DRAXIN: variants seen among roughly 807,000 people sequenced by gnomAD.
The protein encoded by DRAXIN is dorsal inhibitory axon guidance protein.
In DRAXIN, 27 loss-of-function variants were observed where a neutral mutation model predicts 33.9. The observed-to-expected ratio is 0.80, with a 90% CI of 0.59 to 1.10. The LOEUF is 1.10. Among genes scored for constraint, DRAXIN ranks in the 50% least tolerant of loss-of-function variants. DRAXIN has a pLI of 0.00. For synonymous variants in DRAXIN, 178 were observed against 194.0 expected (o/e 0.92, Z 0.69); for missense variants, 371 against 460.8 (o/e 0.81, Z 1.78).
chr1:11,719,258 A>C (rs753408954), intron 6 of DRAXIN, among the ~76,000 whole-genome samples: 5 of 152,186 alleles, frequency 3.3e-5, no homozygotes, highest in Non-Finnish European at 5.9e-5. Context: ...ATTATTACTA[A>C]CTGAAGTCAA....
chr1:11,710,125 T>C (rs1641458171), intron 3 of DRAXIN, among the ~76,000 whole-genome samples: 1 of 146,104 alleles, frequency 6.8e-6, no homozygotes, highest in East Asian at 2.0e-4. Flanking sequence ...GCGGAGGCTG[T>C]AGCGTGTCAA....
chr1:11,693,659 T>TC (rs1158144132), intron 1 of DRAXIN, among the ~76,000 whole-genome samples: 1 of 152,118 alleles, frequency 6.6e-6, no homozygotes, highest in East Asian at 1.9e-4. Flanking sequence ...AGGCTCCTGC[T>TC]CGAAATCCGA....
intron 4 of DRAXIN, 87 bp downstream of exon 4, chr1:11,712,052 G>T (rs1348491594): frequency 1.2e-5 from 15 of 1,287,716 alleles, no homozygotes; most frequent in Admixed American, 7.9e-5. Flanking sequence ...AGTGAGCCCT[G>T]TCTGATCTTC....
chr1:11,719,807 C>A lies in DRAXIN; in HGVS notation c.*111C>A. On this transcript the variant is annotated 3_prime_UTR_variant, in exon 7 of 7. Transcript: ENST00000294485. ...GGGAACAGATGGCTGAGGCTGCAGA[C>A]TCAGGCCCAGGACACTCAACCCCAG... 2.9e-6 allele frequency: 3 copies of A among 1,026,936 alleles called. No individual in the cohort carries two copies. Among genetic ancestry groups the A allele is most frequent in the Non-Finnish European group, 4.4e-6 (3 of 681,472 alleles). 63.6% of individuals were successfully genotyped at this position (1,026,936 alleles called of 1,614,324 possible).
rs1011882685 is a variant in DRAXIN, at chr1:11,719,452, C to T, written c.938-132C>T. 9 of 732,094 alleles carry T rather than the reference C, an allele frequency of 1.2e-5. No individual in the cohort carries two copies. In the East Asian group the frequency reaches 2.2e-4, roughly 18 times the overall value. The allele number at this position is 732,094 out of a possible 1,614,324, so 45.3% of individuals were successfully genotyped here. On this transcript the variant is annotated intron_variant, in intron 6 of 6. Coordinates refer to ENST00000294485, the MANE Select transcript of DRAXIN (RefSeq NM_198545.4). ...TGTCTTTTAAGCTCATTGGGGCTGC[C>T]GTGAGGAAGCTGGGTTGTAGGGCAG...
chr1:11,708,394 T>C (rs1641424137), intron 2 of DRAXIN, among the ~76,000 whole-genome samples: 1 of 151,976 alleles, frequency 6.6e-6, no homozygotes, highest in Admixed American at 6.6e-5. Context: ...GCAGATCACT[T>C]GAGATCAGGA....
At chr1:11,712,219 C>A in intron 4 of DRAXIN, 121 bp from the exon 5 acceptor site, 2 of 1,173,416 alleles carry the variant, frequency 1.7e-6, no homozygotes, top group Non-Finnish European at 2.5e-6. Context: ...TTAGGTCCAA[C>A]AGTGCCTTGT....
intron 1 of DRAXIN, among the ~76,000 whole-genome samples, chr1:11,693,187 A>C (rs1045791072): frequency 1.3e-5 from 2 of 151,756 alleles, no homozygotes; most frequent in African/African-American, 4.8e-5. Context: ...AAATCAGCTA[A>C]AACAATCAGG....
intron 1 of DRAXIN, among the ~76,000 whole-genome samples, chr1:11,701,447 A>G (rs1359158634): frequency 9.2e-5 from 14 of 152,238 alleles, no homozygotes. Flanking sequence ...TGAGATGTGA[A>G]TGAAAGAAAG....
rs201835494 is a variant in DRAXIN at position 11,712,903 on chromosome 1, CA to C, written c.847+486del. ...GGGCGACAAGAGGGAAACTCCATCT[CA>C]AAAAAAAAAAATACCCTGGGCATGG... On this transcript the variant is annotated intron_variant, in intron 5 of 6. Transcript: ENST00000294485. 9.1e-3 allele frequency among the ~76,000 whole-genome samples: 1,124 copies of C among 123,274 alleles called. 18 individuals carry two copies. The highest frequency in any genetic ancestry group is 0.051 in the Admixed American group (608 of 12,034). 80.9% of individuals were successfully genotyped at this position (123,274 alleles called of 152,430 possible). A position where few individuals can be genotyped will look rare whatever the true frequency, so the allele number is the denominator to read the frequency against.
At chr1:11,714,278 A>T (rs1641540920) in intron 5 of DRAXIN, among the ~76,000 whole-genome samples, 1 of 152,212 alleles carries the variant, frequency 6.6e-6, no homozygotes, top group African/African-American at 2.4e-5. Flanking sequence ...GTGAATGACG[A>T]AAGGTGGAGG....
In DRAXIN at chr1:11,723,496, T is replaced by C. The variant is rs1641685420; in HGVS notation, c.*3800T>C. 6.6e-6 allele frequency: 1 copy of C among 151,700 alleles called. No homozygotes were observed. The highest frequency in any genetic ancestry group is 6.6e-5 in the Admixed American group (1 of 15,258). The allele number at this position is 151,700 out of a possible 1,614,324, so 9.4% of individuals were successfully genotyped here. A position where few individuals can be genotyped will look rare whatever the true frequency, so the allele number is the denominator to read the frequency against. ...CAGCTTTGGCAACCTTAGGAAAGTTTCTTAAGGTCTCTGTGCCTTGATTTT... is the reference window on the plus strand; with the variant it reads ...CAGCTTTGGCAACCTTAGGAAAGTTCCTTAAGGTCTCTGTGCCTTGATTTT... On this transcript the variant is annotated 3_prime_UTR_variant, in exon 7 of 7. Transcript: ENST00000294485.
At position 11,692,813 on chromosome 1, in the gene DRAXIN, G is replaced by A. The variant is rs1045908372; in HGVS notation, c.-11+960G>A. ...ACACTGGGGCTCTGGGAGTGATCTC[G>A]GACAAAGGAATGCACCTCTCTGAGC... is the stretch of plus-strand genomic sequence containing the variant. On this transcript the variant is annotated intron_variant, in intron 1 of 6. Coordinates refer to ENST00000294485, the MANE Select transcript of DRAXIN (RefSeq NM_198545.4). The surrounding 1 kb of genome is among the most constrained non-coding windows in gnomAD (Gnocchi z 5.8). Among the ~76,000 whole-genome samples the A allele has an allele frequency of 1.3e-5, 2 of 152,066 alleles. No individual in the cohort carries two copies. Among genetic ancestry groups the A allele is most frequent in the Non-Finnish European group, 2.9e-5 (2 of 68,014 alleles).
rs565274604 is a variant in DRAXIN, at chr1:11,713,768, C to T, written c.847+1339C>T. On this transcript the variant is annotated intron_variant, in intron 5 of 6. Transcript: ENST00000294485. ...AAAAATAACCAGGCTTGGCTGGGTGCGGTGGCTCACGCCTATAATCCCAGC... is the reference window on the plus strand; with the variant it reads ...AAAAATAACCAGGCTTGGCTGGGTGTGGTGGCTCACGCCTATAATCCCAGC... 3.3e-5 allele frequency among the ~76,000 whole-genome samples: 5 copies of T among 152,218 alleles called. No individual in the cohort carries two copies. In the South Asian group the frequency reaches 8.3e-4, roughly 25 times the overall value.
At position 11,723,345 on chromosome 1, in the gene DRAXIN, G is replaced by A. The variant is rs933833816; in HGVS notation, c.*3649G>A. On this transcript the variant is annotated 3_prime_UTR_variant, in exon 7 of 7. Transcript: ENST00000294485. ...GGCCCACCCACAAAGCTTCTGTTTT[G>A]TTTGGTCTGGGCTTCATAGTTTTTC... 2.5e-4 allele frequency: 38 copies of A among 152,268 alleles called. No homozygotes were observed. Among genetic ancestry groups the A allele is most frequent in the African/African-American group, 8.9e-4 (37 of 41,558 alleles). The allele number at this position is 152,268 out of a possible 1,614,324, so 9.4% of individuals were successfully genotyped here. A position where few individuals can be genotyped will look rare whatever the true frequency, so the allele number is the denominator to read the frequency against.
In DRAXIN at chr1:11,704,258, C is replaced by T. The variant is rs113544961; in HGVS notation, c.-10-1991C>T. On this transcript the variant is annotated intron_variant, in intron 1 of 6. Coordinates refer to ENST00000294485, the MANE Select transcript of DRAXIN (RefSeq NM_198545.4). The surrounding 1 kb of genome is among the most constrained non-coding windows in gnomAD (Gnocchi z 4.6). Reference sequence around the variant, plus strand: ...CCCAGGCTGTCATGTCCCTGCAGGACAGAAAGGCAGGGCTGGGTCTCGGAC... The same window carrying T: ...CCCAGGCTGTCATGTCCCTGCAGGATAGAAAGGCAGGGCTGGGTCTCGGAC... Among the ~76,000 whole-genome samples the T allele has an allele frequency of 6.6e-6, 1 of 152,332 alleles. No individual in the cohort carries two copies. Among genetic ancestry groups the T allele is most frequent in the Admixed American group, 6.5e-5 (1 of 15,300 alleles).
chr1:11,702,619 TAC>T (rs33944685), intron 1 of DRAXIN, among the ~76,000 whole-genome samples: 34,212 of 150,406 alleles, frequency 0.23, 4,067 homozygotes, highest in East Asian at 0.37. Flanking sequence ...ATGATCATAG[TAC>T]ACACACACAC....
At position 11,719,990 on chromosome 1, in the gene DRAXIN, T is replaced by A; in HGVS notation, c.*294T>A. ...GCCCTCTACTGTCCGACTCCAGCACTGCAACAGCTTCAAGTTCAAAACCAA... is the reference window on the plus strand; with the variant it reads ...GCCCTCTACTGTCCGACTCCAGCACAGCAACAGCTTCAAGTTCAAAACCAA... On this transcript the variant is annotated 3_prime_UTR_variant, in exon 7 of 7. Transcript: ENST00000294485. 1 of 364,182 alleles carries A rather than the reference T, an allele frequency of 2.7e-6. No individual in the cohort carries two copies. 22.6% of individuals were successfully genotyped at this position (364,182 alleles called of 1,614,324 possible).
In DRAXIN at chr1:11,692,302, G is replaced by T. The variant is rs1641087130; in HGVS notation, c.-11+449G>T. ...CCCCAGTCCGCCACCGTTGGAAGAA[G>T]TCTTCGAAGACTCCCTGAGCCCCGG... On this transcript the variant is annotated intron_variant, in intron 1 of 6. Coordinates refer to ENST00000294485, the MANE Select transcript of DRAXIN (RefSeq NM_198545.4). The surrounding 1 kb of genome is among the most constrained non-coding windows in gnomAD (Gnocchi z 5.8). Among the ~76,000 whole-genome samples the T allele has an allele frequency of 6.6e-6, 1 of 152,184 alleles. No homozygotes were observed. The highest frequency in any genetic ancestry group is 2.1e-4 in the South Asian group (1 of 4,834).
Sources: allele counts gnomAD v4.1 joint callset (sites outside exome capture counted in the v4.1 genomes callset), GRCh38; gene constraint gnomAD v4.1.1; non-coding constraint Gnocchi (gnomAD v3.1); transcripts MANE v1.5; gene names NCBI Gene and HGNC (gene_info 2026-07-23, HGNC 2026-07-21).